The following MECOM variants were observed in gnomAD, a reference collection of about 807,000 sequenced individuals.
MECOM encodes the protein histone-lysine N-methyltransferase MECOM.
In MECOM, 13 loss-of-function variants were observed where a neutral mutation model predicts 116.3. That is an observed-to-expected ratio of 0.11 (90% confidence interval 0.07 to 0.18). The LOEUF (loss-of-function observed/expected upper bound fraction) is 0.18. Ranked by LOEUF, MECOM falls within the 10% of genes least tolerant of loss-of-function variation. The pLI, the probability that MECOM is intolerant of heterozygous loss-of-function variation, is 1.00. For synonymous variants in MECOM, 528 were observed against 535.2 expected (o/e 0.99, Z 0.19); for missense variants, 1,299 against 1,509.0 (o/e 0.86, Z 2.31).
intron 1 of MECOM, among the ~76,000 whole-genome samples, chr3:169,384,354 C>A (rs1041032814): frequency 6.6e-6 from 1 of 152,142 alleles, no homozygotes; most frequent in Middle Eastern, 3.4e-3. Flanking sequence ...TCAAAGGAAA[C>A]AATTTTAATA....
intron 1 of MECOM, among the ~76,000 whole-genome samples, chr3:169,472,520 AAGAAAAG>A (rs1560317830): frequency 3.1e-3 from 288 of 91,920 alleles, no homozygotes; most frequent in Middle Eastern, 5.0e-3. Context: ...AAGGAAAGGA[AAGAAAAG>A]AAAAGAAAAG....
In MECOM at chr3:169,089,097, T is replaced by A. The variant is rs766682818; in HGVS notation, c.3488A>T (p.Glu1163Val). 1 of 1,610,738 alleles carries A rather than the reference T, an allele frequency of 6.2e-7. No individual in the cohort carries two copies. The highest frequency in any genetic ancestry group is 1.7e-5 in the Admixed American group (1 of 59,382). ...FTDSLKMRKMEDNQYSEAELS... is the reference protein window; with the variant it reads ...FTDSLKMRKMVDNQYSEAELS... The stretch of plus-strand genomic sequence containing the variant: ...CTCAGCTTCAGAATATTGATTATCT[T>A]CCATTTTCCTCATTTTGAGGCTATC... Residue 1163 changes from glutamate (E) to valine (V), a missense_variant, in exon 16 of 17, where the codon GAA becomes GTA. Around this residue, in one of 6 missense-constraint regions of MECOM, gnomAD observed 273 missense variants for 289.3 expected, o/e 0.94. Coordinates refer to ENST00000651503, the MANE Select transcript of MECOM (RefSeq NM_004991.4).
chr3:169,281,835 A>G (rs1266640032), intron 2 of MECOM, among the ~76,000 whole-genome samples: 4 of 152,160 alleles, frequency 2.6e-5, no homozygotes, highest in African/African-American at 9.7e-5. Context: ...TTAAAAAAAG[A>G]CTTAATTGAA....
intron 4 of MECOM, among the ~76,000 whole-genome samples, chr3:169,131,128 T>A (rs1734558077): frequency 2.0e-5 from 3 of 152,162 alleles, no homozygotes; most frequent in South Asian, 4.1e-4. Context: ...CGTTACACAG[T>A]GAAAGGATTC....
At chr3:169,182,678 A>G (rs1001051012) in intron 2 of MECOM, among the ~76,000 whole-genome samples, 4 of 152,230 alleles carry the variant, frequency 2.6e-5, no homozygotes, top group African/African-American at 7.2e-5. Context: ...TGAATCAAAC[A>G]AGGCCCAGTT....
chr3:169,266,997 T>C (rs2149637572), intron 2 of MECOM, among the ~76,000 whole-genome samples: 1 of 152,326 alleles, frequency 6.6e-6, no homozygotes, highest in East Asian at 1.9e-4. Flanking sequence ...TAGTTATCAT[T>C]GGGTGGAGAC....
intron 1 of MECOM, among the ~76,000 whole-genome samples, chr3:169,638,815 G>A (rs1483045137): frequency 6.6e-6 from 1 of 152,202 alleles, no homozygotes; most frequent in Non-Finnish European, 1.5e-5. Flanking sequence ...GCCTTCCACA[G>A]GTTGGAGTGG....
At chr3:169,393,836 G>T (rs572695851) in intron 1 of MECOM, among the ~76,000 whole-genome samples, 1 of 152,050 alleles carries the variant, frequency 6.6e-6, no homozygotes, top group Non-Finnish European at 1.5e-5. Context: ...TATTTCAATA[G>T]CATTGTAGAA....
chr3:169,297,952 G>T (rs1302718587), intron 2 of MECOM, among the ~76,000 whole-genome samples: 1 of 152,154 alleles, frequency 6.6e-6, no homozygotes, highest in East Asian at 1.9e-4. Flanking sequence ...GGAGAATTTT[G>T]AATATACCAT....
At chr3:169,356,090 A>C (rs918163093) in intron 2 of MECOM, among the ~76,000 whole-genome samples, 5 of 151,986 alleles carry the variant, frequency 3.3e-5, no homozygotes, top group Middle Eastern at 3.4e-3. Context: ...TCAGACTTTT[A>C]ACCTCTCATC....
intron 2 of MECOM, among the ~76,000 whole-genome samples, chr3:169,162,833 ATTC>A (rs1392419885): frequency 9.2e-5 from 14 of 152,180 alleles, no homozygotes; most frequent in African/African-American, 2.9e-4. Flanking sequence ...TTTAGAAATA[ATTC>A]TTCTGGTAAA....
At chr3:169,319,598 T>C (rs558522930) in intron 2 of MECOM, among the ~76,000 whole-genome samples, 3 of 152,158 alleles carry the variant, frequency 2.0e-5, no homozygotes, top group East Asian at 3.9e-4. Context: ...GTGTCTATAA[T>C]GAATTGGTCA....
chr3:169,626,109 T>C (rs1484112870), intron 1 of MECOM, among the ~76,000 whole-genome samples: 1 of 152,248 alleles, frequency 6.6e-6, no homozygotes, highest in Non-Finnish European at 1.5e-5. Flanking sequence ...TTTCCTGAAA[T>C]TTTTATTGGT....
At chr3:169,386,229 G>A (rs995759326) in intron 1 of MECOM, among the ~76,000 whole-genome samples, 1 of 152,118 alleles carries the variant, frequency 6.6e-6, no homozygotes, top group Non-Finnish European at 1.5e-5. Context: ...AGAAATTGCA[G>A]AAATAATACC....
intron 5 of MECOM, among the ~76,000 whole-genome samples, chr3:169,124,788 C>T (rs943660097): frequency 2.6e-5 from 4 of 151,882 alleles, no homozygotes; most frequent in East Asian, 1.9e-4. Context: ...ATATTTGAAG[C>T]GCTCCACAAT....
chr3:169,433,839 AC>A (rs1742181554), intron 1 of MECOM, among the ~76,000 whole-genome samples: 1 of 152,138 alleles, frequency 6.6e-6, no homozygotes, highest in Admixed American at 6.5e-5. Context: ...GTAGGGTGAG[AC>A]CTTTCAAATG....
intron 1 of MECOM, among the ~76,000 whole-genome samples, chr3:169,619,141 A>G (rs1180716092): frequency 6.6e-6 from 1 of 152,188 alleles, no homozygotes; most frequent in Non-Finnish European, 1.5e-5. Flanking sequence ...TTTTGCTGCC[A>G]TTTGTACCTG....
At chr3:169,563,936 G>A (rs1762940548) in intron 1 of MECOM, among the ~76,000 whole-genome samples, 1 of 152,010 alleles carries the variant, frequency 6.6e-6, no homozygotes, top group Admixed American at 6.6e-5. Context: ...CCTCTATTTG[G>A]AATGGCCCAG....
chr3:169,463,603 T>G (rs1237929361), intron 1 of MECOM, among the ~76,000 whole-genome samples: 1 of 152,226 alleles, frequency 6.6e-6, no homozygotes, highest in Non-Finnish European at 1.5e-5. Flanking sequence ...TCTAAGGTCA[T>G]CCTCAAATGT....
Sources: gnomAD v4.1 joint callset for allele counts (sites outside exome capture counted in the v4.1 genomes callset) on GRCh38, gnomAD v4.1.1 for gene constraint, gnomAD v4.1.1 regional missense constraint, MANE v1.5 for transcripts, NCBI Gene and HGNC (gene_info 2026-07-23, HGNC 2026-07-21) for gene names.